The following C1QTNF3 variants were observed in gnomAD, a reference collection of about 807,000 sequenced individuals.
C1QTNF3 encodes the protein complement C1q tumor necrosis factor-related protein 3.
C1QTNF3 carries 26 observed loss-of-function variants against 32.6 expected under a neutral mutation model. That is an observed-to-expected ratio of 0.80 (90% CI 0.58 to 1.11). C1QTNF3 has a LOEUF of 1.11. C1QTNF3 is among the 50% of genes least tolerant of loss of function. C1QTNF3 has a pLI of 0.00. For synonymous variants in C1QTNF3, 155 were observed against 146.0 expected, an observed-to-expected ratio of 1.06 and a Z score of -0.44; for missense variants, 362 against 398.2, an observed-to-expected ratio of 0.91 and a Z score of 0.77.
intron 1 of C1QTNF3, among the ~76,000 whole-genome samples, chr5:34,040,264 G>C (rs1290498741): frequency 1.3e-5 from 2 of 152,176 alleles, no homozygotes; most frequent in Non-Finnish European, 2.9e-5. Context: ...GCGAGAAAGA[G>C]TTTGTCTCTA....
the C1QTNF3 span, among the ~76,000 whole-genome samples, chr5:34,060,901 G>T: frequency 6.6e-6 from 1 of 152,136 alleles, no homozygotes. Flanking sequence ...AACCAATCAT[G>T]CCTTGCCAAC....
chr5:34,165,593 T>C, the C1QTNF3 span: 2 of 152,100 alleles, frequency 1.3e-5, no homozygotes, highest in East Asian at 3.8e-4. Flanking sequence ...CCATCACTTG[T>C]AAAATTATTT....
the C1QTNF3 span, among the ~76,000 whole-genome samples, chr5:34,216,877 G>C: frequency 6.6e-6 from 1 of 152,210 alleles, no homozygotes; most frequent in Non-Finnish European, 1.5e-5. Flanking sequence ...CTAGAATTGT[G>C]TGCTGTGTTG....
the C1QTNF3 span, among the ~76,000 whole-genome samples, chr5:34,066,641 A>G: frequency 6.6e-6 from 1 of 152,102 alleles, no homozygotes; most frequent in South Asian, 2.1e-4. Context: ...TAAAACTGCA[A>G]TATTTGAAAA....
At chr5:34,103,577 G>T in the C1QTNF3 span, among the ~76,000 whole-genome samples, 60,656 of 125,480 alleles carry the variant, frequency 0.48, 16,575 homozygotes, top group Non-Finnish European at 0.6. Context: ...CCAGCACTTT[G>T]GGAGGCCGAG....
chr5:34,090,578 TTTTG>T, the C1QTNF3 span, among the ~76,000 whole-genome samples: 1 of 152,154 alleles, frequency 6.6e-6, no homozygotes, highest in African/African-American at 2.4e-5. Context: ...CTCTTCTATT[TTTTG>T]TTTATTTAGG....
the C1QTNF3 span, among the ~76,000 whole-genome samples, chr5:34,234,121 G>C: frequency 2.0e-5 from 3 of 152,058 alleles, no homozygotes; most frequent in South Asian, 6.2e-4. Context: ...ATTATTTTCA[G>C]AATGTAGTCA....
At chr5:34,038,176 T>C (rs1222888572) in intron 1 of C1QTNF3, among the ~76,000 whole-genome samples, 2 of 152,194 alleles carry the variant, frequency 1.3e-5, no homozygotes, top group Non-Finnish European at 2.9e-5. Context: ...GATGAGGTGG[T>C]GTTGGTGCAC....
chr5:34,023,582 A>G (rs1321818504), intron 5 of C1QTNF3, among the ~76,000 whole-genome samples: 1 of 152,188 alleles, frequency 6.6e-6, no homozygotes, highest in African/African-American at 2.4e-5. Context: ...ATCAGAGGGC[A>G]TGGGAGAATG....
chr5:34,211,394 C>A, the C1QTNF3 span, among the ~76,000 whole-genome samples: 32 of 151,426 alleles, frequency 2.1e-4, no homozygotes. Flanking sequence ...GTGTGTATAC[C>A]CCCTTTTTTT....
the C1QTNF3 span, among the ~76,000 whole-genome samples, chr5:34,132,632 A>C: frequency 1.3e-5 from 2 of 152,084 alleles, no homozygotes. Context: ...AAATGATCTT[A>C]CATATTATTT....
chr5:34,241,930 C>T, the C1QTNF3 span, among the ~76,000 whole-genome samples: 1,657 of 66,176 alleles, frequency 0.025, 34 homozygotes, highest in African/African-American at 0.072. Flanking sequence ...GAAGGATGGA[C>T]GGAAGGGAGG....
At chr5:34,055,701 CCT>C in the C1QTNF3 span, among the ~76,000 whole-genome samples, 4 of 152,132 alleles carry the variant, frequency 2.6e-5, no homozygotes, top group Non-Finnish European at 5.9e-5. Context: ...GGATTTATAC[CCT>C]GATAGGTGCT....
the C1QTNF3 span, among the ~76,000 whole-genome samples, chr5:34,184,715 CA>C: frequency 0.038 from 4,921 of 129,268 alleles, no homozygotes; most frequent in African/African-American, 0.12. Flanking sequence ...GACTCTGTCT[CA>C]AAAAAAAAAA....
chr5:34,039,553 C>T (rs1336971026), intron 1 of C1QTNF3, among the ~76,000 whole-genome samples: 3 of 152,110 alleles, frequency 2.0e-5, no homozygotes, highest in Non-Finnish European at 4.4e-5. Context: ...TTCTACATTC[C>T]CCAACTCCCT....
chr5:34,161,812 A>T, the C1QTNF3 span, among the ~76,000 whole-genome samples: 1 of 152,192 alleles, frequency 6.6e-6, no homozygotes, highest in Non-Finnish European at 1.5e-5. Flanking sequence ...AGCTTGGGAG[A>T]TAATTATTGA....
upstream of C1QTNF3, among the ~76,000 whole-genome samples, chr5:34,046,766 T>C (rs1452941763): frequency 6.6e-6 from 1 of 152,012 alleles, no homozygotes; most frequent in Non-Finnish European, 1.5e-5. Context: ...ACAAAAACAC[T>C]CCAGACCCAG....
chr5:34,105,120 A>C, the C1QTNF3 span, among the ~76,000 whole-genome samples: 7 of 152,170 alleles, frequency 4.6e-5, no homozygotes, highest in Non-Finnish European at 7.3e-5. Flanking sequence ...TCTCTGACCA[A>C]AGTCAGTTTC....
the C1QTNF3 span, among the ~76,000 whole-genome samples, chr5:34,147,864 C>A: frequency 6.6e-6 from 1 of 152,106 alleles, no homozygotes; most frequent in African/African-American, 2.4e-5. Context: ...CCAAGATGGC[C>A]GAATAGGAAC....
Sources: gnomAD v4.1 joint callset for allele counts (sites outside exome capture counted in the v4.1 genomes callset) on GRCh38, gnomAD v4.1.1 for gene constraint, MANE v1.5 for transcripts, NCBI Gene and HGNC (gene_info 2026-07-23, HGNC 2026-07-21) for gene names.